CROCC: variants seen among roughly 807,000 people sequenced by gnomAD.
CROCC encodes the protein ciliary rootlet coiled-coil, rootletin.
In CROCC, 180 loss-of-function variants were observed where a neutral mutation model predicts 245.2. That is an observed-to-expected ratio of 0.73 (90% CI 0.65 to 0.83). The LOEUF (loss-of-function observed/expected upper bound fraction) is 0.83, where lower values mean the gene tolerates loss of function less well. CROCC is among the 40% of genes least tolerant of loss of function. CROCC has a pLI of 0.00. For missense variants in CROCC, 2,688 were observed against 2,779.4 expected (o/e 0.97, Z 0.74); for synonymous variants, 1,205 against 1,241.6 (o/e 0.97, Z 0.62).
At chr1:16,920,656 A>G (rs2075384514), upstream of CROCC, among the ~76,000 whole-genome samples, 1 of 152,206 alleles carries the variant, frequency 6.6e-6, no homozygotes, top group South Asian at 2.1e-4. Context: ...GCACTAGAGC[A>G]CATAGCCTCC....
In CROCC at chr1:16,953,190, C is replaced by T. The variant is rs41272733; in HGVS notation, c.3007-112C>T. On this transcript the variant is annotated intron_variant, in intron 20 of 36. Transcript: ENST00000375541. ...CACTCCCTTGTATTTACCTGGTCAC[C>T]CTCCATCTCTGAGGGTATGGGGGCC... 6.9e-3 allele frequency: 6,255 copies of T among 904,848 alleles called. 46 individuals carry two copies. The highest frequency in any genetic ancestry group is 8.4e-3 in the Non-Finnish European group (5,041 of 600,392). 56.1% of individuals were successfully genotyped at this position (904,848 alleles called of 1,614,324 possible).
Position 16,966,316 on chromosome 1 carries a change from A to G in CROCC, c.4697-92A>G, listed in dbSNP as rs867555620. The G allele has an allele frequency of 2.6e-5, 38 of 1,449,806 alleles. 1 individual carries two copies. The African/African-American group carries it at 3.8e-4, about 15-fold the overall frequency. The allele number at this position is 1,449,806 out of a possible 1,614,324, so 89.8% of individuals were successfully genotyped here. ...AAGGGTGCAGACAGTCTGGCCCTGC[A>G]CTGGGTGGAGTGCAGGCTGGACATT... On this transcript the variant is annotated intron_variant, in intron 29 of 36. Transcript: ENST00000375541. This position sits in a 1 kb window ranked among gnomAD's most constrained non-coding sequence, Gnocchi z 4.8.
chr1:16,928,519 T>C (rs1318059166), intron 3 of CROCC, among the ~76,000 whole-genome samples: 1 of 152,044 alleles, frequency 6.6e-6, no homozygotes, highest in African/African-American at 2.4e-5. Context: ...AGATGGAGTC[T>C]TGGGCCGGAT....
intron 8 of CROCC, among the ~76,000 whole-genome samples, chr1:16,934,381 G>T (rs1378141591): frequency 6.6e-6 from 1 of 152,190 alleles, no homozygotes; most frequent in Non-Finnish European, 1.5e-5. Context: ...CTCACATTAG[G>T]CTTGACCTCC....
intron 10 of CROCC, among the ~76,000 whole-genome samples, chr1:16,937,941 C>A (rs1197293626): frequency 6.6e-6 from 1 of 152,288 alleles, no homozygotes; most frequent in African/African-American, 2.4e-5. Context: ...GTAGCATAAT[C>A]CTCATAACAC....
intron 8 of CROCC, among the ~76,000 whole-genome samples, chr1:16,935,993 A>G (rs1408004037): frequency 6.6e-6 from 1 of 151,712 alleles, no homozygotes; most frequent in East Asian, 1.9e-4. Context: ...TGGTTGTATC[A>G]CCCTCCCACC....
Position 16,937,836 on chromosome 1 carries a change from G to C in CROCC, c.1290+99G>C, listed in dbSNP as rs1191449468. 8 of 1,056,420 alleles carry C rather than the reference G, an allele frequency of 7.6e-6. No individual in the cohort carries two copies. In the African/African-American group the frequency reaches 9.2e-5, roughly 12 times the overall value. The allele number at this position is 1,056,420 out of a possible 1,614,324, so 65.4% of individuals were successfully genotyped here. On this transcript the variant is annotated intron_variant, in intron 10 of 36. Transcript: ENST00000375541. ...GGCTGGGCTGCCTGGGTCACCCCCA[G>C]CGTCCCACTCACACTCAGGTTCAGC...
Position 16,930,591 on chromosome 1 carries a change from G to A in CROCC, c.846G>A (p.Glu282=), listed in dbSNP as rs748641664. ...EHREAAWRRE[E]ESFNAYFSNE... Reference sequence around the variant, plus strand: ...GGGAGGCGGCGTGGAGGCGCGAGGAGGAGGTGGGCATGGGGGTGCAGGGAG... The same window carrying A: ...GGGAGGCGGCGTGGAGGCGCGAGGAAGAGGTGGGCATGGGGGTGCAGGGAG... Residue 282 remains glutamate (E), a synonymous_variant, in exon 7 of 37, where the codon GAG becomes GAA. Coordinates refer to ENST00000375541, the MANE Select transcript of CROCC (RefSeq NM_014675.5). The A allele has an allele frequency of 4.2e-5, 67 of 1,608,538 alleles. No homozygotes were observed. The highest frequency in any genetic ancestry group is 8.4e-5 in the Admixed American group (5 of 59,426).
In CROCC at chr1:16,929,910, GGCAGAGC is replaced by G. The variant is rs1206549617; in HGVS notation, c.418_424del (p.Gln140TrpfsTer65). 8.2e-6 allele frequency: 13 copies of G among 1,588,716 alleles called. No individual in the cohort carries two copies. In the East Asian group the frequency reaches 2.0e-4, roughly 25 times the overall value. ...ACGCAGGAGCCCAGGGGGCTGGTACGGCAGAGCGTGGAGTTGCGGAGGCAGCTGCAGG... is the reference window on the plus strand; with the variant it reads ...ACGCAGGAGCCCAGGGGGCTGGTACGGTGGAGTTGCGGAGGCAGCTGCAGG... On this transcript the variant is annotated frameshift_variant, in exon 4 of 37. Transcript: ENST00000375541. LOFTEE classifies it high-confidence loss of function.
chr1:16,936,110 G>GT (rs147794673), intron 8 of CROCC, among the ~76,000 whole-genome samples: 73 of 150,826 alleles, frequency 4.8e-4, no homozygotes, highest in African/African-American at 1.1e-3. Context: ...CCAGTGTAGG[G>GT]TTTTTTTTTT....
intron 8 of CROCC, among the ~76,000 whole-genome samples, chr1:16,933,103 A>C (rs2075714256): frequency 6.6e-6 from 1 of 152,272 alleles, no homozygotes; most frequent in Middle Eastern, 3.2e-3. Flanking sequence ...GAGCAACCAC[A>C]CCTGGTTTAA....
intron 13 of CROCC, chr1:16,940,648 A>G (rs1285758699): frequency 1.2e-4 from 26 of 224,156 alleles, no homozygotes; most frequent in Non-Finnish European, 2.2e-4. Context: ...TCCATCTCCC[A>G]AAGTGCTGGG....
intron 1 of CROCC, among the ~76,000 whole-genome samples, chr1:16,914,766 TCACA>T (rs748898855): frequency 1.3e-5 from 2 of 152,268 alleles, no homozygotes; most frequent in Admixed American, 6.5e-5. Flanking sequence ...CTCCTGATTT[TCACA>T]CAGACTTAAG....
chr1:16,951,523 G>A (rs1810518), intron 20 of CROCC, among the ~76,000 whole-genome samples: 1 of 151,106 alleles, frequency 6.6e-6, no homozygotes, highest in Non-Finnish European at 1.5e-5. Flanking sequence ...GGTTTGAATC[G>A]AATCTTGGTC....
chr1:16,928,039 C>G (rs962960084), intron 3 of CROCC, among the ~76,000 whole-genome samples: 7 of 152,280 alleles, frequency 4.6e-5, no homozygotes, highest in Non-Finnish European at 8.8e-5. Flanking sequence ...GGCACCTTCC[C>G]TACCGCTAAC....
intron 19 of CROCC, among the ~76,000 whole-genome samples, chr1:16,950,094 ACT>A (rs2076133702): frequency 6.7e-6 from 1 of 150,132 alleles, no homozygotes; most frequent in Admixed American, 6.7e-5. Flanking sequence ...ACAGAGTCTC[ACT>A]CTTGTTGCCC....
At chr1:16,957,328 G>A (rs1202102145) in intron 25 of CROCC, among the ~76,000 whole-genome samples, 2 of 152,142 alleles carry the variant, frequency 1.3e-5, no homozygotes, top group African/African-American at 4.8e-5. Context: ...TATCCCTTGA[G>A]CCCAGGAAGT....
chr1:16,917,208 T>C (rs1160888904), upstream of CROCC, among the ~76,000 whole-genome samples: 3 of 152,300 alleles, frequency 2.0e-5, no homozygotes, highest in Admixed American at 6.5e-5. Context: ...GCTGGGTGCA[T>C]TGGAGCCAAT....
In CROCC at chr1:16,951,080, G is replaced by T; in HGVS notation, c.2964G>T (p.Arg988=). Residue 988 remains arginine, a synonymous_variant, in exon 20 of 37, where the codon CGG becomes CGT. Transcript: ENST00000375541. Reference sequence around the variant, plus strand: ...CCCAGGCCTCTCTGCGGGAGCAGCGGGCAGCTCACGAGGAGGACTTACAGC... The same window carrying T: ...CCCAGGCCTCTCTGCGGGAGCAGCGTGCAGCTCACGAGGAGGACTTACAGC... ...REAQASLREQ[R]AAHEEDLQRL... 1 of 1,595,912 alleles carries T rather than the reference G, an allele frequency of 6.3e-7. No individual in the cohort carries two copies. The highest frequency in any genetic ancestry group is 8.5e-7 in the Non-Finnish European group (1 of 1,172,708).
Sources: gnomAD v4.1 joint callset for allele counts (sites outside exome capture counted in the v4.1 genomes callset) on GRCh38, gnomAD v4.1.1 for gene constraint, Gnocchi (gnomAD v3.1) non-coding constraint, MANE v1.5 for transcripts, NCBI Gene and HGNC (gene_info 2026-07-23, HGNC 2026-07-21) for gene names.